CPQ: variants seen among roughly 807,000 people sequenced by gnomAD.
CPQ encodes carboxypeptidase Q, also known as Ser-Met dipeptidase.
In CPQ, 37 loss-of-function variants were observed where a neutral mutation model predicts 45.7. That is an observed-to-expected ratio of 0.81 (90% CI 0.62 to 1.07). The LOEUF (loss-of-function observed/expected upper bound fraction) is 1.07. Ranked by LOEUF, CPQ falls within the 50% of genes least tolerant of loss-of-function variation. The pLI is 0.00. For missense variants in CPQ, 537 were observed against 572.9 expected (o/e 0.94, Z 0.64); for synonymous variants, 186 against 205.8 (o/e 0.90, Z 0.82).
At chr8:96,940,743 A>G (rs1009434344) in intron 4 of CPQ, among the ~76,000 whole-genome samples, 2 of 152,208 alleles carry the variant, frequency 1.3e-5, no homozygotes, top group East Asian at 3.9e-4. Flanking sequence ...ATTGTAGTGT[A>G]GGAAGAGCTA....
chr8:97,007,251 G>A (rs1809399957), intron 5 of CPQ, among the ~76,000 whole-genome samples: 1 of 152,110 alleles, frequency 6.6e-6, no homozygotes, highest in Non-Finnish European at 1.5e-5. Context: ...TTTCTGTGTG[G>A]CTTAATTTTT....
At chr8:96,725,429 AACAG>A (rs1282679843) in intron 1 of CPQ, among the ~76,000 whole-genome samples, 2 of 152,216 alleles carry the variant, frequency 1.3e-5, no homozygotes, top group Non-Finnish European at 2.9e-5. Context: ...AAAGGACGTG[AACAG>A]ACACTTATCA....
chr8:96,708,584 C>A (rs969732439), intron 1 of CPQ, among the ~76,000 whole-genome samples: 1 of 151,798 alleles, frequency 6.6e-6, no homozygotes, highest in South Asian at 2.1e-4. Context: ...ATCTTCTATC[C>A]CTTGTAGTTT....
chr8:96,697,379 A>G (rs1441583249), intron 1 of CPQ, among the ~76,000 whole-genome samples: 2 of 152,220 alleles, frequency 1.3e-5, no homozygotes, highest in Non-Finnish European at 2.9e-5. Flanking sequence ...GTTCAATGTA[A>G]TAAAAGCCAT....
chr8:96,951,153 C>A (rs751823951), intron 4 of CPQ, among the ~76,000 whole-genome samples: 1 of 151,998 alleles, frequency 6.6e-6, no homozygotes, highest in African/African-American at 2.4e-5. Flanking sequence ...TCTGTAATGG[C>A]ATAAAAAAAA....
intron 1 of CPQ, among the ~76,000 whole-genome samples, chr8:96,737,355 G>GAGATATATATATATATATATATATAT: frequency 8.5e-6 from 1 of 118,012 alleles, no homozygotes; most frequent in African/African-American, 3.3e-5. Flanking sequence ...ACTAATAGGA[G>GAGATATATATATATATATATATATAT]ATATATATAT....
At chr8:96,827,776 T>G (rs1057377158) in intron 2 of CPQ, among the ~76,000 whole-genome samples, 1 of 152,078 alleles carries the variant, frequency 6.6e-6, no homozygotes, top group Admixed American at 6.6e-5. Context: ...GCTGGTGAGC[T>G]TTATAGCCAG....
intron 7 of CPQ, among the ~76,000 whole-genome samples, chr8:97,121,238 G>C (rs1285036326): frequency 6.6e-6 from 1 of 152,192 alleles, no homozygotes; most frequent in Admixed American, 6.5e-5. Context: ...CAGGCCATTA[G>C]AGAAAAACTG....
chr8:96,941,711 T>G (rs543128149), intron 4 of CPQ, among the ~76,000 whole-genome samples: 1 of 152,264 alleles, frequency 6.6e-6, no homozygotes, highest in South Asian at 2.1e-4. Context: ...CCAGAGGTGA[T>G]GTTTTTCTTT....
chr8:96,746,653 C>T (rs568586908), intron 1 of CPQ, among the ~76,000 whole-genome samples: 3 of 152,318 alleles, frequency 2.0e-5, no homozygotes, highest in East Asian at 1.9e-4. Flanking sequence ...TGCACTGTAC[C>T]TCTCGAGGTA....
chr8:96,975,557 C>T (rs1010164314), intron 5 of CPQ, among the ~76,000 whole-genome samples: 7 of 151,780 alleles, frequency 4.6e-5, no homozygotes, highest in Admixed American at 1.3e-4. Flanking sequence ...AAACTACAGA[C>T]CAATATCCCT....
intron 2 of CPQ, among the ~76,000 whole-genome samples, chr8:96,808,580 T>G (rs1194744375): frequency 6.6e-6 from 1 of 152,170 alleles, no homozygotes; most frequent in Non-Finnish European, 1.5e-5. Context: ...AAACCCCTCA[T>G]GTTAAGGCAT....
At chr8:96,844,780 A>G (rs547746282) in intron 3 of CPQ, among the ~76,000 whole-genome samples, 168 of 152,296 alleles carry the variant, frequency 1.1e-3, no homozygotes, top group Middle Eastern at 6.8e-3. Flanking sequence ...TCAGTGTTCA[A>G]AGACTCAAAA....
intron 4 of CPQ, among the ~76,000 whole-genome samples, chr8:96,960,500 A>C (rs1163991526): frequency 6.6e-6 from 1 of 152,170 alleles, no homozygotes; most frequent in East Asian, 1.9e-4. Context: ...CATATCACAC[A>C]TATGGAAGAC....
intron 7 of CPQ, among the ~76,000 whole-genome samples, chr8:97,084,836 G>GTGTGTGTGTC (rs373339730): frequency 1.3e-5 from 2 of 151,278 alleles, no homozygotes; most frequent in African/African-American, 4.9e-5. Context: ...GTGTGTGTGT[G>GTGTGTGTGTC]TCTCTCTGTG....
rs1213714223 is a variant in CPQ, at chr8:96,879,888, A to T, written c.732A>T (p.Arg244Ser). 3.1e-6 allele frequency: 5 copies of T among 1,613,978 alleles called. No homozygotes were observed. In the Admixed American group the frequency reaches 8.3e-5, roughly 27 times the overall value. Residue 244 changes from arginine (R) to serine (S), a missense_variant, in exon 4 of 8, where the codon AGA becomes AGT. Transcript: ENST00000220763. ...TGGAAGATGCAGAAATGATGTCAAGAATGGCTTCTCATGGGATCAAAATTG... is the reference window on the plus strand; with the variant it reads ...TGGAAGATGCAGAAATGATGTCAAGTATGGCTTCTCATGGGATCAAAATTG... ...ITVEDAEMMS[R>S]MASHGIKIVI...
chr8:96,647,393 T>C (rs1026684782), intron 1 of CPQ, among the ~76,000 whole-genome samples: 50 of 152,236 alleles, frequency 3.3e-4, no homozygotes, highest in African/African-American at 1.0e-3. Flanking sequence ...GCACTGACCA[T>C]ACACCAGGCA....
rs911241394 is a variant in CPQ, at chr8:96,803,440, A to G, written c.433+18110A>G. Among the ~76,000 whole-genome samples, 12 of 152,314 alleles carry G rather than the reference A, an allele frequency of 7.9e-5. 1 individual carries two copies. Among genetic ancestry groups the G allele is most frequent in the Admixed American group, 7.2e-4 (11 of 15,294 alleles). ...GCAAAAATGTTAAAGATCTATTAAT[A>G]CCTTTTGTATATGAGAGATGAAGGA... On this transcript the variant is annotated intron_variant, in intron 2 of 7. Coordinates refer to ENST00000220763, the MANE Select transcript of CPQ (RefSeq NM_016134.4).
At chr8:97,125,642 G>A (rs2130615392) in intron 7 of CPQ, among the ~76,000 whole-genome samples, 1 of 152,202 alleles carries the variant, frequency 6.6e-6, no homozygotes, top group East Asian at 1.9e-4. Flanking sequence ...GATCATTTCA[G>A]GAGGTGCATA....
Sources: allele counts gnomAD v4.1 joint callset (sites outside exome capture counted in the v4.1 genomes callset), GRCh38; gene constraint gnomAD v4.1.1; transcripts MANE v1.5; gene names NCBI Gene and HGNC (gene_info 2026-07-23, HGNC 2026-07-21).